TRPC4: variants seen among roughly 807,000 people sequenced by gnomAD.
TRPC4 encodes transient receptor potential cation channel subfamily C member 4.
A neutral mutation model predicts 99.4 loss-of-function variants in TRPC4; 49 were observed. The observed-to-expected ratio is 0.49, with a 90% CI of 0.39 to 0.63. TRPC4 has a LOEUF of 0.63. Ranked by LOEUF, TRPC4 falls within the 20% of genes least tolerant of loss-of-function variation. The pLI, the probability that TRPC4 is intolerant of heterozygous loss-of-function variation, is 0.00. For missense variants in TRPC4, 898 were observed against 1,152.9 expected, an observed-to-expected ratio of 0.78 and a Z score of 3.20; for synonymous variants, 454 against 425.9, an observed-to-expected ratio of 1.07 and a Z score of -0.81.
intron 3 of TRPC4, among the ~76,000 whole-genome samples, chr13:37,743,624 G>A (rs1955656570): frequency 1.3e-5 from 2 of 152,034 alleles, no homozygotes; most frequent in African/African-American, 4.8e-5. Context: ...AGTGCCCCGT[G>A]CATTTCCTGG....
chr13:37,826,183 G>A (rs1254063459), intron 1 of TRPC4, among the ~76,000 whole-genome samples: 4 of 106,564 alleles, frequency 3.8e-5, no homozygotes, highest in East Asian at 3.3e-4. Context: ...ACATGAGATG[G>A]GTTTCCTGAA....
At chr13:37,656,351 A>G (rs1318924174) in intron 6 of TRPC4, among the ~76,000 whole-genome samples, 2 of 152,186 alleles carry the variant, frequency 1.3e-5, no homozygotes, top group East Asian at 3.9e-4. Flanking sequence ...CATGATGACT[A>G]AGGAGGTAGG....
intron 1 of TRPC4, among the ~76,000 whole-genome samples, chr13:37,835,659 G>A (rs1421536052): frequency 2.0e-5 from 3 of 152,220 alleles, no homozygotes; most frequent in South Asian, 2.1e-4. Flanking sequence ...AAGATAAAAG[G>A]TATAAGTGAG....
chr13:37,661,487 A>G (rs1261712743), intron 6 of TRPC4, among the ~76,000 whole-genome samples: 1 of 152,218 alleles, frequency 6.6e-6, no homozygotes, highest in Non-Finnish European at 1.5e-5. Context: ...GGGAGTTAAC[A>G]CAGTTTTAAA....
chr13:37,724,891 T>C (rs1954992639), intron 3 of TRPC4, among the ~76,000 whole-genome samples: 1 of 152,166 alleles, frequency 6.6e-6, no homozygotes, highest in South Asian at 2.1e-4. Flanking sequence ...GAATGAATTA[T>C]AGATGGAGAA....
rs1286308292 is a variant in TRPC4, at chr13:37,862,956, G to A, written c.-28+6639C>T. ...AAGATTATAATACTGTATTTTTACT[G>A]TACTTTTTCTATGTTTAAATACACA... On this transcript the variant is annotated intron_variant, in intron 1 of 10. Transcript: ENST00000379705. 2.6e-5 allele frequency among the ~76,000 whole-genome samples: 4 copies of A among 151,342 alleles called. 1 individual carries two copies. Among genetic ancestry groups the A allele is most frequent in the African/African-American group, 9.7e-5 (4 of 41,356 alleles).
At chr13:37,709,942 T>C (rs1025191808) in intron 3 of TRPC4, among the ~76,000 whole-genome samples, 32 of 152,134 alleles carry the variant, frequency 2.1e-4, no homozygotes, top group African/African-American at 7.7e-4. Context: ...TGTTATTTTA[T>C]GGCTTTAAGA....
chr13:37,761,180 G>T (rs1881401931), intron 2 of TRPC4, among the ~76,000 whole-genome samples: 1 of 151,900 alleles, frequency 6.6e-6, no homozygotes, highest in African/African-American at 2.4e-5. Context: ...TAGCTAACCT[G>T]TATGAAACAC....
At chr13:37,829,726 A>T (rs1270089939) in intron 1 of TRPC4, among the ~76,000 whole-genome samples, 3 of 152,214 alleles carry the variant, frequency 2.0e-5, no homozygotes. Flanking sequence ...ATAATAGCCA[A>T]AAGTTGGAAC....
intron 2 of TRPC4, among the ~76,000 whole-genome samples, chr13:37,770,207 C>G (rs924883095): frequency 1.3e-5 from 2 of 151,306 alleles, no homozygotes; most frequent in African/African-American, 4.8e-5. Flanking sequence ...GACTGAATTT[C>G]AGGCCTGACT....
chr13:37,684,005 TAGAA>T (rs1440702119), intron 4 of TRPC4, among the ~76,000 whole-genome samples: 19 of 152,310 alleles, frequency 1.2e-4, no homozygotes, highest in Admixed American at 6.5e-4. Flanking sequence ...AGGAGAGTGA[TAGAA>T]AGAAGTAAAA....
rs546199712 is a variant in TRPC4, at chr13:37,635,617, A to G, written c.*1286T>C. Among the ~76,000 whole-genome samples the G allele has an allele frequency of 7.2e-5, 11 of 152,280 alleles. No individual in the cohort carries two copies. In the East Asian group the frequency reaches 7.7e-4, roughly 11 times the overall value. On this transcript the variant is annotated 3_prime_UTR_variant, in exon 11 of 11. Transcript: ENST00000379705. The stretch of plus-strand genomic sequence containing the variant: ...GCATTTTTCTATTGATTTGAAATAA[A>G]TGCTAATTTTATGTGGTGAAGAAAC...
At chr13:37,831,645 G>T (rs1472662627) in intron 1 of TRPC4, among the ~76,000 whole-genome samples, 1 of 152,052 alleles carries the variant, frequency 6.6e-6, no homozygotes, top group African/African-American at 2.4e-5. Flanking sequence ...GTATATAAAT[G>T]GATGAATGGA....
chr13:37,746,420 T>C lies in TRPC4; in HGVS notation c.414A>G (p.Glu138=), dbSNP rs527893785. ...TGATTGGTGTAATGTCTGGAGTGAA[T>C]TCAGAGAACTGCTTATCAAGGAGTA... is the stretch of plus-strand genomic sequence containing the variant. The part of the protein sequence containing the change: ...PPILLDKQFS[E]FTPDITPIIL... Residue 138 remains glutamate, a synonymous_variant, in exon 3 of 11, where the codon GAA becomes GAG. Transcript: ENST00000379705. The C allele has an allele frequency of 6.2e-7, 1 of 1,611,388 alleles. No individual in the cohort carries two copies. The highest frequency in any genetic ancestry group is 1.1e-5 in the South Asian group (1 of 90,958).
chr13:37,858,575 A>C (rs1356533690), intron 1 of TRPC4, among the ~76,000 whole-genome samples: 1 of 151,670 alleles, frequency 6.6e-6, no homozygotes, highest in Non-Finnish European at 1.5e-5. Context: ...ACATATAAAC[A>C]ATGAAGTACT....
At chr13:37,801,830 G>T (rs919060507) in intron 1 of TRPC4, among the ~76,000 whole-genome samples, 1 of 152,022 alleles carries the variant, frequency 6.6e-6, no homozygotes, top group Admixed American at 6.6e-5. Flanking sequence ...ATTTGAGCTG[G>T]ATTTTGAAGG....
At chr13:37,705,479 G>A (rs538745013) in intron 3 of TRPC4, among the ~76,000 whole-genome samples, 27 of 152,146 alleles carry the variant, frequency 1.8e-4, no homozygotes, top group South Asian at 8.3e-4. Flanking sequence ...ATGAAGTAAC[G>A]CATATGTTAA....
intron 1 of TRPC4, among the ~76,000 whole-genome samples, chr13:37,843,806 C>T (rs1017935348): frequency 2.0e-5 from 3 of 152,068 alleles, no homozygotes; most frequent in Admixed American, 6.6e-5. Context: ...GAAATCTAAC[C>T]AGCAACTATC....
At chr13:37,720,216 A>G (rs1027178032) in intron 3 of TRPC4, among the ~76,000 whole-genome samples, 2 of 152,182 alleles carry the variant, frequency 1.3e-5, no homozygotes, top group African/African-American at 4.8e-5. Flanking sequence ...TAAAATAATA[A>G]AGTTGTGTTG....
Sources: allele counts gnomAD v4.1 joint callset (sites outside exome capture counted in the v4.1 genomes callset), GRCh38; gene constraint gnomAD v4.1.1; transcripts MANE v1.5; gene names NCBI Gene and HGNC (gene_info 2026-07-23, HGNC 2026-07-21).